The following GRHL2 variants were observed in gnomAD, a reference collection of about 807,000 sequenced individuals.
GRHL2 encodes grainyhead like transcription factor 2.
Under a neutral mutation model 83.8 loss-of-function variants are expected in GRHL2, and 21 were observed. The observed-to-expected ratio is 0.25, with a 90% CI of 0.18 to 0.36. GRHL2 has a LOEUF of 0.36. Among genes scored for constraint, GRHL2 ranks in the 10% least tolerant of loss-of-function variants. The probability of loss-of-function intolerance (pLI) is 1.00; values close to 1 mark genes in which losing one functional copy is unlikely to be tolerated. For missense variants in GRHL2, 623 were observed against 781.8 expected, an observed-to-expected ratio of 0.80 and a Z score of 2.42; for synonymous variants, 280 against 278.9, an observed-to-expected ratio of 1.00 and a Z score of -0.04.
intron 8 of GRHL2, among the ~76,000 whole-genome samples, chr8:101,613,223 T>C (rs1216302997): frequency 3.3e-5 from 5 of 150,574 alleles, no homozygotes; most frequent in African/African-American, 5.0e-5. Flanking sequence ...TACAGTAGAG[T>C]ATGTGAGTCC....
In GRHL2 at chr8:101,637,145, G is replaced by A. The variant is rs367594553; in HGVS notation, c.1517+217G>A. ...TACTTCCAGGATTCTTTCCCCACCC[G>A]CTTCCTCCCTAAGACCCACCCCTTT... On this transcript the variant is annotated intron_variant, in intron 12 of 15. Coordinates refer to ENST00000646743, the MANE Select transcript of GRHL2 (RefSeq NM_024915.4). Among the ~76,000 whole-genome samples, 13 of 152,164 alleles carry A rather than the reference G, an allele frequency of 8.5e-5. No homozygotes were observed. The East Asian group carries it at 1.7e-3, about 20-fold the overall frequency.
intron 7 of GRHL2, among the ~76,000 whole-genome samples, chr8:101,594,737 T>C (rs2130299696): frequency 6.6e-6 from 1 of 152,328 alleles, no homozygotes; most frequent in South Asian, 2.1e-4. Flanking sequence ...TAGTTATCTT[T>C]CTTGTTTAGA....
rs898515155 is a variant in GRHL2 at position 101,669,559 on chromosome 8, G to C, written c.*2856G>C. On this transcript the variant is annotated 3_prime_UTR_variant, in exon 16 of 16. Transcript: ENST00000646743. ...CCCTTTCTTAAAGACAAGCAAGGGA[G>C]ATTGATATATGTACAATTTGCTCTC... 2 of 151,926 alleles carry C rather than the reference G, an allele frequency of 1.3e-5. No individual in the cohort carries two copies. The highest frequency in any genetic ancestry group is 1.3e-4 in the Admixed American group (2 of 15,230). The allele number at this position is 151,926 out of a possible 1,614,324, so 9.4% of individuals were successfully genotyped here. A position where few individuals can be genotyped will look rare whatever the true frequency, so the allele number is the denominator to read the frequency against.
intron 2 of GRHL2, among the ~76,000 whole-genome samples, chr8:101,545,869 C>CTT (rs1563573764): frequency 9.0e-6 from 1 of 111,470 alleles, no homozygotes; most frequent in African/African-American, 3.6e-5. Context: ...CTCTTTGTAA[C>CTT]ATTTTTTTTT....
chr8:101,509,635 T>C (rs919098838), intron 1 of GRHL2, among the ~76,000 whole-genome samples: 2 of 152,182 alleles, frequency 1.3e-5, no homozygotes, highest in Admixed American at 6.5e-5. Context: ...GTTAGCCTTT[T>C]AGATATATAT....
rs56301334 is a variant in GRHL2, at chr8:101,643,369, CAAAAA to C, written c.1518-739_1518-735del. 8.8e-3 allele frequency among the ~76,000 whole-genome samples: 849 copies of C among 96,948 alleles called. 9 individuals carry two copies. The highest frequency in any genetic ancestry group is 0.017 in the African/African-American group (475 of 27,612). 63.6% of individuals were successfully genotyped at this position (96,948 alleles called of 152,430 possible). On this transcript the variant is annotated intron_variant, in intron 12 of 15. Transcript: ENST00000646743. Reference sequence around the variant, plus strand: ...CTATCCTCTTAGTTTCTGTTTCTCTCAAAAAAAAAAAAAAAAAAAAAAAAAAATCC... The same window carrying C: ...CTATCCTCTTAGTTTCTGTTTCTCTCAAAAAAAAAAAAAAAAAAAAAATCC...
At chr8:101,579,986 T>C (rs571579541) in intron 7 of GRHL2, among the ~76,000 whole-genome samples, 1 of 152,300 alleles carries the variant, frequency 6.6e-6, no homozygotes, top group South Asian at 2.1e-4. Context: ...AATTATTTAA[T>C]GCATTTCTTT....
chr8:101,569,323 C>T (rs1811776034), intron 4 of GRHL2, among the ~76,000 whole-genome samples: 2 of 152,100 alleles, frequency 1.3e-5, no homozygotes, highest in Admixed American at 6.5e-5. Flanking sequence ...TTAGTTTCCC[C>T]AGAAAACCTA....
intron 4 of GRHL2, among the ~76,000 whole-genome samples, chr8:101,568,634 A>C (rs1586103846): frequency 6.6e-6 from 1 of 150,650 alleles, no homozygotes. Flanking sequence ...ACCAATTTTT[A>C]TCTCTCTGAG....
At chr8:101,582,490 T>G (rs960441682) in intron 7 of GRHL2, among the ~76,000 whole-genome samples, 1 of 152,146 alleles carries the variant, frequency 6.6e-6, no homozygotes, top group Non-Finnish European at 1.5e-5. Context: ...GGTCTCAAAC[T>G]CTAAAAGAAA....
chr8:101,674,505 C>G (rs1486007758), downstream of GRHL2, among the ~76,000 whole-genome samples: 1 of 152,036 alleles, frequency 6.6e-6, no homozygotes, highest in East Asian at 1.9e-4. Context: ...AAGACTAAAC[C>G]AGGAAGAAGT....
intron 1 of GRHL2, among the ~76,000 whole-genome samples, chr8:101,530,881 T>C (rs1810910895): frequency 6.6e-6 from 1 of 152,178 alleles, no homozygotes; most frequent in Non-Finnish European, 1.5e-5. Context: ...AACTTTTTTC[T>C]AATTGTGAAA....
chr8:101,637,876 C>G (rs751744501), intron 12 of GRHL2, among the ~76,000 whole-genome samples: 14 of 152,190 alleles, frequency 9.2e-5, no homozygotes, highest in Non-Finnish European at 1.6e-4. Flanking sequence ...CCCTTTCCTC[C>G]CTGCAACTGT....
intron 3 of GRHL2, among the ~76,000 whole-genome samples, chr8:101,557,382 G>A (rs1040249365): frequency 1.3e-5 from 2 of 151,612 alleles, no homozygotes; most frequent in Admixed American, 6.6e-5. Context: ...ATGCCACTGT[G>A]CCTGGCTAAT....
intron 11 of GRHL2, among the ~76,000 whole-genome samples, chr8:101,632,853 G>T (rs1374889434): frequency 1.3e-5 from 2 of 152,116 alleles, no homozygotes. Context: ...AGAAAAATGA[G>T]GTTGTAGGCA....
At chr8:101,629,928 C>G (rs1813153705) in intron 9 of GRHL2, among the ~76,000 whole-genome samples, 1 of 152,054 alleles carries the variant, frequency 6.6e-6, no homozygotes, top group Non-Finnish European at 1.5e-5. Context: ...GCCTCTTTTG[C>G]TGTGAATTTC....
intron 1 of GRHL2, chr8:101,528,653 G>T: frequency 5.1e-6 from 1 of 195,742 alleles, no homozygotes. Flanking sequence ...AAAGCAGCAT[G>T]AACTTTTCAG....
At chr8:101,511,984 A>G (rs74826800) in intron 1 of GRHL2, among the ~76,000 whole-genome samples, 6,104 of 152,262 alleles carry the variant, frequency 0.04, 409 homozygotes, top group African/African-American at 0.14. Context: ...ATTATAGATT[A>G]AATTCCTTTG....
the GRHL2 span, among the ~76,000 whole-genome samples, chr8:101,675,770 G>A: frequency 6.6e-6 from 1 of 152,090 alleles, no homozygotes; most frequent in Non-Finnish European, 1.5e-5. Flanking sequence ...TAAGCCGAAA[G>A]AACAAAGCCG....
Sources: gnomAD v4.1 joint callset for allele counts (sites outside exome capture counted in the v4.1 genomes callset) on GRCh38, gnomAD v4.1.1 for gene constraint, MANE v1.5 for transcripts, NCBI Gene and HGNC (gene_info 2026-07-23, HGNC 2026-07-21) for gene names.